The following SCYL2 variants were observed in gnomAD, a reference collection of about 807,000 sequenced individuals.
SCYL2 encodes SCY1 like pseudokinase 2.
In SCYL2, 36 loss-of-function variants were observed where a neutral mutation model predicts 100.4. That is an observed-to-expected ratio of 0.36 (90% CI 0.27 to 0.47). The LOEUF (loss-of-function observed/expected upper bound fraction) is 0.47, where lower values mean the gene tolerates loss of function less well. Ranked by LOEUF, SCYL2 falls within the 20% of genes least tolerant of loss-of-function variation. The pLI is 1.00. For synonymous variants in SCYL2, 330 were observed against 359.2 expected, an observed-to-expected ratio of 0.92 and a Z score of 0.92; for missense variants, 902 against 1,083.9, an observed-to-expected ratio of 0.83 and a Z score of 2.36.
chr12:100,292,912 G>T lies in SCYL2; in HGVS notation c.335+1252G>T, dbSNP rs181135183. On this transcript the variant is annotated intron_variant, in intron 3 of 17. Transcript: ENST00000360820. ...AGCTCACTGCAGCCTCGAACTCCTG[G>T]ACTCAAGTGATCCTCCTGCCTCAGC... is the stretch of plus-strand genomic sequence containing the variant. Among the ~76,000 whole-genome samples the T allele has an allele frequency of 9.2e-5, 14 of 152,276 alleles. No homozygotes were observed. The East Asian group carries it at 2.5e-3, about 27-fold the overall frequency.
At chr12:100,325,210 A>C (rs1366748484) in intron 11 of SCYL2, among the ~76,000 whole-genome samples, 14 of 151,806 alleles carry the variant, frequency 9.2e-5, no homozygotes, top group Non-Finnish European at 2.1e-4. Context: ...CACCCCGCCC[A>C]AAAAAAATCC....
chr12:100,323,684 T>G (rs965070670), intron 11 of SCYL2, 46 bp downstream of exon 11: 3 of 985,662 alleles, frequency 3.0e-6, no homozygotes, highest in Non-Finnish European at 4.7e-6. Flanking sequence ...CACTTGTCAG[T>G]GCTTTAAATC....
chr12:100,295,560 G>A (rs925765696), intron 3 of SCYL2, among the ~76,000 whole-genome samples: 1 of 151,828 alleles, frequency 6.6e-6, no homozygotes, highest in East Asian at 1.9e-4. Context: ...CCAGTCAGGC[G>A]TGGCAGCGCG....
At chr12:100,305,917 A>T (rs1278759570) in intron 4 of SCYL2, among the ~76,000 whole-genome samples, 1 of 152,180 alleles carries the variant, frequency 6.6e-6, no homozygotes, top group East Asian at 1.9e-4. Flanking sequence ...AGAAATGGAT[A>T]AATTCCTGGA....
At chr12:100,284,399 G>T (rs1239209969) in intron 2 of SCYL2, among the ~76,000 whole-genome samples, 1 of 152,122 alleles carries the variant, frequency 6.6e-6, no homozygotes, top group East Asian at 1.9e-4. Flanking sequence ...ATTAAAGGTG[G>T]TACACCAGTG....
chr12:100,275,012 T>C (rs2096291159), intron 1 of SCYL2, among the ~76,000 whole-genome samples: 1 of 152,196 alleles, frequency 6.6e-6, no homozygotes, highest in African/African-American at 2.4e-5. Context: ...TATTGAATCT[T>C]CCAATTCATG....
chr12:100,329,842 G>C (rs1231468257), intron 13 of SCYL2, among the ~76,000 whole-genome samples: 2 of 152,172 alleles, frequency 1.3e-5, no homozygotes, highest in East Asian at 1.9e-4. Flanking sequence ...GCAAGATTCA[G>C]TTGCTTTTGG....
intron 12 of SCYL2, chr12:100,327,168 T>C: frequency 2.5e-6 from 1 of 399,952 alleles, no homozygotes; most frequent in Non-Finnish European, 5.0e-6. Context: ...TAGGTACTAT[T>C]GTTTCTATTT....
chr12:100,337,240 T>G (rs1427338490), intron 16 of SCYL2, 147 bp from the exon 17 acceptor site: 4 of 924,786 alleles, frequency 4.3e-6, no homozygotes, highest in Non-Finnish European at 6.5e-6. Context: ...TAATTTGAAA[T>G]ACAGCTTACT....
intron 4 of SCYL2, among the ~76,000 whole-genome samples, chr12:100,298,884 C>G (rs1325466526): frequency 1.3e-5 from 2 of 152,070 alleles, no homozygotes; most frequent in Non-Finnish European, 2.9e-5. Flanking sequence ...GCCTGGCTAG[C>G]CTTTTCATAT....
Position 100,314,603 on chromosome 12 carries a change from A to C in SCYL2, c.1084A>C (p.Lys362Gln). The change falls in exon 8 of 18, where the codon AAA (lysine) becomes CAA (glutamine). Residue 362 changes from lysine (K) to glutamine (Q), a missense_variant. Transcript: ENST00000360820. Reference sequence around the variant, plus strand: ...CAAAGGACTGCCAAAGGTTCTACCAAAACTGCCCAAGGTTTGTTATTGTTA... The same window carrying C: ...CAAAGGACTGCCAAAGGTTCTACCACAACTGCCCAAGGTTTGTTATTGTTA... ...FFKGLPKVLP[K>Q]LPKRVIVQRI... The C allele has an allele frequency of 6.3e-7, 1 of 1,595,980 alleles. No homozygotes were observed. The highest frequency in any genetic ancestry group is 8.5e-7 in the Non-Finnish European group (1 of 1,175,080).
At chr12:100,293,780 G>T (rs543482645) in intron 3 of SCYL2, among the ~76,000 whole-genome samples, 2 of 152,044 alleles carry the variant, frequency 1.3e-5, no homozygotes, top group African/African-American at 4.8e-5. Flanking sequence ...CACATCTTGC[G>T]CCGCCCTTAA....
At chr12:100,318,073 G>A (rs1592959726) in intron 10 of SCYL2, 148 bp downstream of exon 10, 3 of 700,396 alleles carry the variant, frequency 4.3e-6, no homozygotes, top group East Asian at 6.1e-5. Context: ...TTGATATACT[G>A]TAACTAAAAT....
chr12:100,310,540 G>A (rs1453300695), intron 4 of SCYL2, among the ~76,000 whole-genome samples: 2 of 152,208 alleles, frequency 1.3e-5, no homozygotes, highest in Admixed American at 6.5e-5. Flanking sequence ...CACATTCCGT[G>A]GTGATGTCAG....
chr12:100,293,764 A>G (rs2096313442), intron 3 of SCYL2, among the ~76,000 whole-genome samples: 1 of 152,124 alleles, frequency 6.6e-6, no homozygotes, highest in African/African-American at 2.4e-5. Context: ...CATCTGTTTA[A>G]CAAAGCACAT....
At position 100,312,379 on chromosome 12, in the gene SCYL2, T is replaced by C; in HGVS notation, c.631-53T>C. The C allele has an allele frequency of 2.0e-5, 25 of 1,271,716 alleles. 1 individual carries two copies. The South Asian group carries it at 2.9e-4, about 15-fold the overall frequency. The allele number at this position is 1,271,716 out of a possible 1,614,324, so 78.8% of individuals were successfully genotyped here. On this transcript the variant is annotated intron_variant, in intron 5 of 17. Coordinates refer to ENST00000360820, the MANE Select transcript of SCYL2 (RefSeq NM_017988.6). ...TTAAAGATAGATTACTACTGCTTGA[T>C]AGTTGTTTGGTTGAATTTGAAGTAA...
intron 2 of SCYL2, among the ~76,000 whole-genome samples, chr12:100,286,598 A>G (rs1422625722): frequency 6.6e-6 from 1 of 152,118 alleles, no homozygotes; most frequent in Non-Finnish European, 1.5e-5. Context: ...CTGTGAGGAT[A>G]GTGAAGATTG....
intron 4 of SCYL2, among the ~76,000 whole-genome samples, chr12:100,303,807 C>G (rs2096330625): frequency 6.6e-6 from 1 of 152,170 alleles, no homozygotes; most frequent in Non-Finnish European, 1.5e-5. Context: ...ATCCGCTGCT[C>G]TCTTTACAGC....
chr12:100,305,578 C>T (rs544073489), intron 4 of SCYL2, among the ~76,000 whole-genome samples: 22 of 152,120 alleles, frequency 1.4e-4, no homozygotes, highest in South Asian at 1.0e-3. Context: ...AACATCCTAA[C>T]GTCACAATTA....
Sources: gnomAD v4.1 joint callset for allele counts (sites outside exome capture counted in the v4.1 genomes callset) on GRCh38, gnomAD v4.1.1 for gene constraint, MANE v1.5 for transcripts, NCBI Gene and HGNC (gene_info 2026-07-23, HGNC 2026-07-21) for gene names.